The following DLGAP1 variants were observed in gnomAD, a reference collection of about 807,000 sequenced individuals.
DLGAP1 encodes the protein DLG associated protein 1, also known as disks large-associated protein 1.
Under a neutral mutation model 90.8 loss-of-function variants are expected in DLGAP1, and 11 were observed. The ratio of observed to expected loss-of-function variants is 0.12; its 90% CI spans 0.08 to 0.20. The LOEUF is 0.20. Ranked by LOEUF, DLGAP1 falls within the 10% of genes least tolerant of loss-of-function variation. The pLI is 1.00. For missense variants in DLGAP1, 1,050 were observed against 1,333.8 expected, an observed-to-expected ratio of 0.79 and a Z score of 3.31; for synonymous variants, 558 against 540.7, an observed-to-expected ratio of 1.03 and a Z score of -0.44.
At chr18:3,589,274 A>T (rs1470452519) in intron 7 of DLGAP1, among the ~76,000 whole-genome samples, 1 of 152,220 alleles carries the variant, frequency 6.6e-6, no homozygotes, top group Non-Finnish European at 1.5e-5. Context: ...AGTGGTGAAG[A>T]TGTTCTGGCA....
At chr18:3,513,569 C>T (rs1463975836) in intron 10 of DLGAP1, among the ~76,000 whole-genome samples, 1 of 152,218 alleles carries the variant, frequency 6.6e-6, no homozygotes, top group Non-Finnish European at 1.5e-5. Flanking sequence ...CATTAGGAAG[C>T]AAGAGCAAAG....
intron 1 of DLGAP1, among the ~76,000 whole-genome samples, chr18:4,302,000 T>C (rs2080137407): frequency 6.6e-6 from 1 of 152,184 alleles, no homozygotes; most frequent in Non-Finnish European, 1.5e-5. Context: ...GTTTTCTTGC[T>C]ATTGAATTGT....
At chr18:3,860,606 A>G (rs1568251199) in intron 4 of DLGAP1, among the ~76,000 whole-genome samples, 1 of 152,208 alleles carries the variant, frequency 6.6e-6, no homozygotes, top group Non-Finnish European at 1.5e-5. Flanking sequence ...ATGGCTGTCA[A>G]TGAAGGTGAA....
chr18:3,766,613 A>T (rs2064256785), intron 5 of DLGAP1, among the ~76,000 whole-genome samples: 1 of 152,188 alleles, frequency 6.6e-6, no homozygotes, highest in South Asian at 2.1e-4. Context: ...GAACTGAAAT[A>T]TACATAGTGT....
chr18:4,430,566 ATTG>A (rs2083268370), intron 1 of DLGAP1: 1 of 122,170 alleles, frequency 8.2e-6, no homozygotes, highest in African/African-American at 3.0e-5. Flanking sequence ...TTTTCTTTTG[ATTG>A]TTTTTTCTTT....
intron 1 of DLGAP1, among the ~76,000 whole-genome samples, chr18:4,345,977 C>A (rs1344868611): frequency 2.0e-5 from 3 of 152,156 alleles, no homozygotes; most frequent in African/African-American, 7.2e-5. Flanking sequence ...GCATGCTGAT[C>A]CTTTCAAGAA....
chr18:3,813,308 A>G (rs1436838320), intron 5 of DLGAP1, among the ~76,000 whole-genome samples: 1 of 152,164 alleles, frequency 6.6e-6, no homozygotes, highest in African/African-American at 2.4e-5. Flanking sequence ...CATTCAGTAC[A>G]GTAATTTGCT....
intron 7 of DLGAP1, among the ~76,000 whole-genome samples, chr18:3,614,918 T>TTTTA (rs929167786): frequency 4.6e-5 from 7 of 151,890 alleles, no homozygotes; most frequent in African/African-American, 1.7e-4. Context: ...TTTATTTTTA[T>TTTTA]TTTATTTATT....
At chr18:3,848,798 C>T (rs948878147) in intron 4 of DLGAP1, among the ~76,000 whole-genome samples, 1 of 152,180 alleles carries the variant, frequency 6.6e-6, no homozygotes, top group Non-Finnish European at 1.5e-5. Flanking sequence ...TTTCTTGCAC[C>T]TGGATATTAC....
chr18:3,840,926 T>C (rs1265346685), intron 4 of DLGAP1, among the ~76,000 whole-genome samples: 1 of 152,214 alleles, frequency 6.6e-6, no homozygotes, highest in Non-Finnish European at 1.5e-5. Context: ...ACTGTGTGCG[T>C]CTGTGTTCTG....
At chr18:3,996,695 A>G (rs1172774532) in intron 3 of DLGAP1, among the ~76,000 whole-genome samples, 1 of 152,056 alleles carries the variant, frequency 6.6e-6, no homozygotes, top group African/African-American at 2.4e-5. Flanking sequence ...TAGTATAGAA[A>G]TCATAACTAT....
At chr18:4,334,899 A>G (rs1384185126) in intron 1 of DLGAP1, among the ~76,000 whole-genome samples, 1 of 151,982 alleles carries the variant, frequency 6.6e-6, no homozygotes, top group African/African-American at 2.4e-5. Flanking sequence ...AGAAAATAAA[A>G]GGTACAGTGA....
chr18:3,876,580 T>C (rs1287684113), intron 4 of DLGAP1, among the ~76,000 whole-genome samples: 3 of 152,186 alleles, frequency 2.0e-5, no homozygotes. Context: ...AAAACAAAGG[T>C]GCTTTGGTGT....
At chr18:3,721,979 T>C (rs1163169907) in intron 7 of DLGAP1, 1 of 152,232 alleles carries the variant, frequency 6.6e-6, no homozygotes, top group Non-Finnish European at 1.5e-5. Flanking sequence ...AAAGGTTAGC[T>C]ATTATCATTA....
At chr18:4,165,699 A>G (rs937706180) in intron 1 of DLGAP1, among the ~76,000 whole-genome samples, 1 of 152,224 alleles carries the variant, frequency 6.6e-6, no homozygotes, top group African/African-American at 2.4e-5. Flanking sequence ...ACTTTACTTA[A>G]AAAGGTAAAA....
At chr18:4,291,957 A>G (rs2079859666) in intron 1 of DLGAP1, among the ~76,000 whole-genome samples, 1 of 152,172 alleles carries the variant, frequency 6.6e-6, no homozygotes, top group African/African-American at 2.4e-5. Flanking sequence ...TTTGGGTTCT[A>G]CATTAGAATT....
chr18:4,454,641 C>G lies in DLGAP1; in HGVS notation c.-267+365G>C, dbSNP rs937384236. Among the ~76,000 whole-genome samples the G allele has an allele frequency of 3.9e-5, 6 of 152,004 alleles. No individual in the cohort carries two copies. The highest frequency in any genetic ancestry group is 2.0e-4 in the East Asian group (1 of 5,108). ...GGTGGGGTGGGGGTGCGAATTTGAC[C>G]GGTGGACATGACCGGGACAGGGGAC... On this transcript the variant is annotated intron_variant, in intron 1 of 12. Transcript: ENST00000315677. The surrounding 1 kb of genome is among the most constrained non-coding windows in gnomAD (Gnocchi z 4.7).
intron 8 of DLGAP1, among the ~76,000 whole-genome samples, chr18:3,570,928 C>CAAAAAAAAAAA (rs71366686): frequency 8.8e-6 from 1 of 113,016 alleles, no homozygotes; most frequent in African/African-American, 3.3e-5. Context: ...GACAGTGTCT[C>CAAAAAAAAAAA]AAAAAAAAAA....
chr18:4,282,146 C>T (rs1213099398), intron 1 of DLGAP1, among the ~76,000 whole-genome samples: 2 of 152,048 alleles, frequency 1.3e-5, no homozygotes, highest in Admixed American at 6.6e-5. Context: ...GGGCGGATCA[C>T]GAGGTCAGGA....
Sources: allele counts gnomAD v4.1 joint callset (sites outside exome capture counted in the v4.1 genomes callset), GRCh38; gene constraint gnomAD v4.1.1; non-coding constraint Gnocchi (gnomAD v3.1); transcripts MANE v1.5; gene names NCBI Gene and HGNC (gene_info 2026-07-23, HGNC 2026-07-21).